Variants in DHX36 observed in about 807,000 individuals in gnomAD.
DHX36 encodes DEAH-box helicase 36, also known as ATP-dependent DNA/RNA helicase DHX36.
A neutral mutation model predicts 139.0 loss-of-function variants in DHX36; 50 were observed. The ratio of observed to expected loss-of-function variants is 0.36; its 90% CI spans 0.29 to 0.46. The LOEUF is 0.46. Among genes scored for constraint, DHX36 ranks in the 20% least tolerant of loss-of-function variants. The pLI, the probability that DHX36 is intolerant of heterozygous loss-of-function variation, is 1.00. For missense variants in DHX36, 1,024 were observed against 1,211.3 expected (o/e 0.85, Z 2.29); for synonymous variants, 425 against 401.9 (o/e 1.06, Z -0.69).
At position 154,324,420 on chromosome 3, in the gene DHX36, C is replaced by G; in HGVS notation, c.-4G>C. The G allele has an allele frequency of 4.0e-6, 6 of 1,506,104 alleles. No individual in the cohort carries two copies. Among genetic ancestry groups the G allele is most frequent in the Non-Finnish European group, 5.3e-6 (6 of 1,127,320 alleles). 93.3% of individuals were successfully genotyped at this position (1,506,104 alleles called of 1,614,324 possible). On this transcript the variant is annotated 5_prime_UTR_variant, in exon 1 of 25. Coordinates refer to ENST00000496811, the MANE Select transcript of DHX36 (RefSeq NM_020865.3). ...TCTGATGGTAGTCATAACTCATTGTCCTGGCAGACTACAACCCGTCAGAAC... is the reference window on the plus strand; with the variant it reads ...TCTGATGGTAGTCATAACTCATTGTGCTGGCAGACTACAACCCGTCAGAAC...
chr3:154,323,636 C>T (rs1011944704), intron 1 of DHX36, among the ~76,000 whole-genome samples: 4 of 152,038 alleles, frequency 2.6e-5, no homozygotes, highest in Admixed American at 2.6e-4. Context: ...GAAATTTCTC[C>T]ACCCCAACAT....
At chr3:154,308,983 T>C (rs1712623348) in intron 5 of DHX36, among the ~76,000 whole-genome samples, 1 of 151,958 alleles carries the variant, frequency 6.6e-6, no homozygotes, top group Non-Finnish European at 1.5e-5. Context: ...AGCCCAGTAG[T>C]TCGAGACCAG....
Position 154,292,537 on chromosome 3 carries a change from A to T in DHX36, c.1814+14T>A. The T allele has an allele frequency of 6.2e-7, 1 of 1,613,916 alleles. No homozygotes were observed. On this transcript the variant is annotated intron_variant, in intron 15 of 24. Coordinates refer to ENST00000496811, the MANE Select transcript of DHX36 (RefSeq NM_020865.3). ...TGTGTGTTCTAAAAGCTTTGGACAG[A>T]GTTCCCACCTTACCTTCCAGCTCGA...
intron 8 of DHX36, 36 bp downstream of exon 8, chr3:154,304,770 A>G: frequency 7.0e-7 from 1 of 1,436,830 alleles, no homozygotes; most frequent in Non-Finnish European, 9.3e-7. Flanking sequence ...TTTTTCTAGT[A>G]CCTTTTCTAA....
At position 154,315,196 on chromosome 3, in the gene DHX36, T is replaced by G. The variant is rs779905545; in HGVS notation, c.453A>C (p.Glu151Asp). The change falls in exon 3 of 25, where the codon GAA (glutamate) becomes GAC (aspartate). Residue 151 changes from glutamate to aspartate, a missense_variant. Coordinates refer to ENST00000496811, the MANE Select transcript of DHX36 (RefSeq NM_020865.3). Reference sequence around the variant, plus strand: ...TGTTCCTGATTCTAAACATTTTTTTTTCTTGATTTATCAACTTCTTTTCCT... The same window carrying G: ...TGTTCCTGATTCTAAACATTTTTTTGTCTTGATTTATCAACTTCTTTTCCT... ...DIQEKKLINQ[E>D]KKMFRIRNRS... 3 of 1,613,602 alleles carry G rather than the reference T, an allele frequency of 1.9e-6. No individual in the cohort carries two copies. Among genetic ancestry groups the G allele is most frequent in the Non-Finnish European group, 2.5e-6 (3 of 1,179,744 alleles).
Position 154,295,333 on chromosome 3 carries a change from A to C in DHX36, c.1556T>G (p.Phe519Cys). Reference sequence around the variant, plus strand: ...CAGTGAATGTAAAGGTATAATTAAAAATTTATCTGAAAATTAAAGAGAATT... The same window carrying C: ...CAGTGAATGTAAAGGTATAATTAAACATTTATCTGAAAATTAAAGAGAATT... Reference protein sequence around the residue: ...MSQVMFKSDKFLIIPLHSLMP... With the variant: ...MSQVMFKSDKCLIIPLHSLMP... The change falls in exon 13 of 25, where the codon TTT (phenylalanine) becomes TGT (cysteine). Residue 519 changes from phenylalanine (F) to cysteine (C), a missense_variant. Transcript: ENST00000496811. The C allele has an allele frequency of 6.6e-7, 1 of 1,508,432 alleles. No individual in the cohort carries two copies. The highest frequency in any genetic ancestry group is 9.0e-7 in the Non-Finnish European group (1 of 1,107,818). The allele number at this position is 1,508,432 out of a possible 1,614,324, so 93.4% of individuals were successfully genotyped here. A position where few individuals can be genotyped will look rare whatever the true frequency, so the allele number is the denominator to read the frequency against.
intron 9 of DHX36, 98 bp from the exon 10 acceptor site, chr3:154,301,225 C>A: frequency 8.3e-7 from 1 of 1,211,386 alleles, no homozygotes; most frequent in Non-Finnish European, 1.1e-6. Context: ...AAAAAGGATT[C>A]CAAAGAACAT....
intron 14 of DHX36, 72 bp downstream of exon 14, chr3:154,293,676 A>T: frequency 9.2e-7 from 1 of 1,084,504 alleles, no homozygotes; most frequent in Non-Finnish European, 1.4e-6. Context: ...AAAAAGATTA[A>T]GGTATATAAA....
intron 5 of DHX36, among the ~76,000 whole-genome samples, chr3:154,307,493 T>G (rs6777198): frequency 0.011 from 1,742 of 152,072 alleles, 22 homozygotes; most frequent in African/African-American, 0.04. Flanking sequence ...GATATACAAA[T>G]GACTAACAGG....
intron 17 of DHX36, among the ~76,000 whole-genome samples, chr3:154,285,820 TA>T (rs1017201906): frequency 6.6e-6 from 1 of 151,706 alleles, no homozygotes; most frequent in African/African-American, 2.4e-5. Context: ...TTTTTTTTTT[TA>T]AAAGACCTCT....
intron 14 of DHX36, 137 bp downstream of exon 14, chr3:154,293,611 T>G: frequency 1.7e-6 from 1 of 602,840 alleles, no homozygotes; most frequent in Non-Finnish European, 2.9e-6. Flanking sequence ...AAAACTATGC[T>G]CACTGCCATA....
chr3:154,304,884 G>A lies in DHX36; in HGVS notation c.1057C>T (p.Leu353Phe), dbSNP rs1712440720. The change falls in exon 8 of 25, where the codon CTT becomes TTT. Residue 353 changes from leucine (L) to phenylalanine (F), a missense_variant. Leu to Phe is a conservative substitution (Grantham distance 22). Coordinates refer to ENST00000496811, the MANE Select transcript of DHX36 (RefSeq NM_020865.3). Reference sequence around the variant, plus strand: ...TTCAAGTCAGATCGAAAATTGAGAAGGTCTTTAACAACAGTCATTAAAACA... The same window carrying A: ...TTCAAGTCAGATCGAAAATTGAGAAAGTCTTTAACAACAGTCATTAAAACA... ...SDVLMTVVKD[L>F]LNFRSDLKVI... The A allele has an allele frequency of 1.9e-6, 3 of 1,610,538 alleles. No homozygotes were observed. Among genetic ancestry groups the A allele is most frequent in the Non-Finnish European group, 1.7e-6 (2 of 1,179,074 alleles).
In DHX36 at chr3:154,274,086, T is replaced by C. The variant is rs165275; in HGVS notation, c.*2085A>G. The C allele has an allele frequency of 0.91, 138,227 of 152,588 alleles. 62,839 individuals carry two copies. The highest frequency in any genetic ancestry group is 1 in the East Asian group (5,162 of 5,174). The allele number at this position is 152,588 out of a possible 1,614,324, so 9.5% of individuals were successfully genotyped here. ...CTTTGGGAAGCCAAGGCGGGCAGACTGCTTGAGCACAGGAGTTTTGAGACC... is the reference window on the plus strand; with the variant it reads ...CTTTGGGAAGCCAAGGCGGGCAGACCGCTTGAGCACAGGAGTTTTGAGACC... On this transcript the variant is annotated 3_prime_UTR_variant, in exon 25 of 25. Coordinates refer to ENST00000496811, the MANE Select transcript of DHX36 (RefSeq NM_020865.3).
At position 154,295,519 on chromosome 3, in the gene DHX36, T is replaced by C. The variant is rs77785119; in HGVS notation, c.1550-180A>G. On this transcript the variant is annotated intron_variant, in intron 12 of 24. Transcript: ENST00000496811. ...TTGACAAACTGCCCATGTGTTTAAG[T>C]GAACCAAAAATTCTTTATTTTTATT... Among the ~76,000 whole-genome samples, 35 of 152,318 alleles carry C rather than the reference T, an allele frequency of 2.3e-4. No homozygotes were observed. The East Asian group carries it at 6.7e-3, about 29-fold the overall frequency.
At chr3:154,284,005 A>T (rs940810961) in intron 19 of DHX36, among the ~76,000 whole-genome samples, 22 of 152,176 alleles carry the variant, frequency 1.4e-4, no homozygotes, top group Non-Finnish European at 1.5e-4. Context: ...TAAATACAAA[A>T]TTTTAAAATA....
rs1413157465 is a variant in DHX36, at chr3:154,273,777, G to A, written c.*2394C>T. The A allele has an allele frequency of 3.3e-5, 5 of 152,188 alleles. No homozygotes were observed. Among genetic ancestry groups the A allele is most frequent in the African/African-American group, 9.7e-5 (4 of 41,448 alleles). The allele number at this position is 152,188 out of a possible 1,614,324, so 9.4% of individuals were successfully genotyped here. On this transcript the variant is annotated 3_prime_UTR_variant, in exon 25 of 25. Coordinates refer to ENST00000496811, the MANE Select transcript of DHX36 (RefSeq NM_020865.3). ...GCATTATCAATACATCCCAGTCATT[G>A]TATGATACTATTAACTCTTTCGGTT...
At chr3:154,282,960 G>C (rs1311694452) in intron 20 of DHX36, among the ~76,000 whole-genome samples, 2 of 152,158 alleles carry the variant, frequency 1.3e-5, no homozygotes, top group Non-Finnish European at 2.9e-5. Context: ...GACAGGAACA[G>C]AAATCGAACC....
rs1418060525 is a variant in DHX36 at position 154,273,604 on chromosome 3, T to G, written c.*2567A>C. 6.6e-6 allele frequency: 1 copy of G among 152,214 alleles called. No homozygotes were observed. The highest frequency in any genetic ancestry group is 2.4e-5 in the African/African-American group (1 of 41,456). The allele number at this position is 152,214 out of a possible 1,614,324, so 9.4% of individuals were successfully genotyped here. ...AGGCAAAACCAGTATGCTCTAATAT[T>G]GTGACATGACTCTAATGCCAGCATT... On this transcript the variant is annotated 3_prime_UTR_variant, in exon 25 of 25. Transcript: ENST00000496811.
At chr3:154,310,809 ATATATATATATATATATATATATAT>A (rs1712721280) in intron 4 of DHX36, among the ~76,000 whole-genome samples, 6 of 23,122 alleles carry the variant, frequency 2.6e-4, no homozygotes, top group African/African-American at 9.9e-4. Flanking sequence ...AAAAAAAAAT[ATATATATATATATATATATATATAT>A]ATATATATAT....
Sources: allele counts gnomAD v4.1 joint callset (sites outside exome capture counted in the v4.1 genomes callset), GRCh38; gene constraint gnomAD v4.1.1; transcripts MANE v1.5; gene names NCBI Gene and HGNC (gene_info 2026-07-23, HGNC 2026-07-21).